The following PHAF1 variants were observed in gnomAD, a reference collection of about 807,000 sequenced individuals.
PHAF1 encodes the protein phagophore assembly factor 1.
PHAF1 carries 23 observed loss-of-function variants against 63.1 expected under a neutral mutation model. The observed-to-expected ratio is 0.36, with a 90% CI of 0.26 to 0.52. The LOEUF (loss-of-function observed/expected upper bound fraction) is 0.52, where lower values mean the gene tolerates loss of function less well. Among genes scored for constraint, PHAF1 ranks in the 20% least tolerant of loss-of-function variants. The pLI, the probability that PHAF1 is intolerant of heterozygous loss-of-function variation, is 0.93. For missense variants in PHAF1, 427 were observed against 517.2 expected, an observed-to-expected ratio of 0.83 and a Z score of 1.69; for synonymous variants, 167 against 185.0, an observed-to-expected ratio of 0.90 and a Z score of 0.79.
At chr16:67,136,601 G>C (rs1204193994) in intron 8 of PHAF1, among the ~76,000 whole-genome samples, 1 of 23,520 alleles carries the variant, frequency 4.3e-5, no homozygotes, top group Non-Finnish European at 7.9e-5. Flanking sequence ...TTCTTTCTTT[G>C]AGACATGGTC....
chr16:67,129,647 C>T (rs936735729), intron 3 of PHAF1, among the ~76,000 whole-genome samples: 4 of 152,222 alleles, frequency 2.6e-5, no homozygotes, highest in African/African-American at 9.7e-5. Context: ...GCTTGTGTCT[C>T]CACAATGAGA....
intron 1 of PHAF1, among the ~76,000 whole-genome samples, chr16:67,117,037 A>C (rs1358214830): frequency 6.6e-6 from 1 of 151,644 alleles, no homozygotes; most frequent in African/African-American, 2.4e-5. Flanking sequence ...CTCTGGAAAC[A>C]AACTTTTTTT....
At chr16:67,145,490 CTG>C in intron 13 of PHAF1, 71 bp downstream of exon 13, 1 of 1,612,140 alleles carries the variant, frequency 6.2e-7, no homozygotes, top group South Asian at 1.1e-5. Context: ...CAGTATGGGG[CTG>C]TGTCCTCTAG....
chr16:67,134,464 G>A lies in PHAF1; in HGVS notation c.658G>A (p.Ala220Thr). 1.2e-6 allele frequency: 2 copies of A among 1,607,416 alleles called. No homozygotes were observed. Among genetic ancestry groups the A allele is most frequent in the Non-Finnish European group, 1.7e-6 (2 of 1,174,018 alleles). ...PAGLRLRLLA[A>T]GCGPGLLADA... ...AGGTTTACGACTTCGCCTACTTGCT[G>A]CAGGTCAGTGACTGGCTTTGAGGTT... The change falls in exon 8 of 16, where the codon GCA (alanine) becomes ACA (threonine). Residue 220 changes from alanine (A) to threonine (T), a missense_variant. Physicochemically the swap from Ala to Thr is moderately conservative, Grantham distance 58. Transcript: ENST00000219139.
chr16:67,145,620 C>G lies in PHAF1; in HGVS notation c.1101C>G (p.Val367=). The change falls in exon 14 of 16, where the codon GTC becomes GTG. Residue 367 remains valine, a synonymous_variant. Transcript: ENST00000219139. ...LLGHPVEKPV[V]LHRSSSPNNT... Reference sequence around the variant, plus strand: ...GCCACCCTGTGGAGAAGCCTGTTGTCCTGCACAGGTGAGTGGGAGTTTGAT... The same window carrying G: ...GCCACCCTGTGGAGAAGCCTGTTGTGCTGCACAGGTGAGTGGGAGTTTGAT... 1.2e-6 allele frequency: 2 copies of G among 1,613,690 alleles called. No individual in the cohort carries two copies. Among genetic ancestry groups the G allele is most frequent in the Non-Finnish European group, 1.7e-6 (2 of 1,179,842 alleles).
At chr16:67,113,897 T>G (rs1176445911) in intron 1 of PHAF1, among the ~76,000 whole-genome samples, 2 of 151,970 alleles carry the variant, frequency 1.3e-5, no homozygotes, top group African/African-American at 4.8e-5. Flanking sequence ...GAGATGGGGT[T>G]TCACGATGTT....
intron 10 of PHAF1, among the ~76,000 whole-genome samples, chr16:67,141,543 G>A (rs1046978524): frequency 6.6e-6 from 1 of 152,214 alleles, no homozygotes; most frequent in Non-Finnish European, 1.5e-5. Context: ...TACCAGCCTG[G>A]ATCCCATGCC....
intron 3 of PHAF1, among the ~76,000 whole-genome samples, chr16:67,129,624 T>C (rs1257556289): frequency 3.3e-5 from 5 of 152,230 alleles, no homozygotes; most frequent in Admixed American, 2.0e-4. Flanking sequence ...CAAACAGATA[T>C]TGAGCCAGCT....
chr16:67,145,542 C>T (rs745931303), intron 13 of PHAF1, 28 bp from the exon 14 acceptor site: 3 of 1,613,872 alleles, frequency 1.9e-6, no homozygotes, highest in Non-Finnish European at 1.7e-6. Context: ...TCCCTACTAA[C>T]CCCTGCTCCC....
Position 67,125,514 on chromosome 16 carries a change from G to A in PHAF1, c.148-445G>A, listed in dbSNP as rs552983133. On this transcript the variant is annotated intron_variant, in intron 2 of 15. Coordinates refer to ENST00000219139, the MANE Select transcript of PHAF1 (RefSeq NM_025187.5). ...ACAGCCTGAGTGTGAATGGATGTAG[G>A]TTCAGCTGATAGGCATAAGCAATAT... Among the ~76,000 whole-genome samples, 6 of 152,262 alleles carry A rather than the reference G, an allele frequency of 3.9e-5. No individual in the cohort carries two copies. In the South Asian group the frequency reaches 1.2e-3, roughly 32 times the overall value.
chr16:67,133,018 T>C (rs746956981), intron 6 of PHAF1, 107 bp downstream of exon 6: 22 of 918,736 alleles, frequency 2.4e-5, no homozygotes, highest in Non-Finnish European at 3.6e-5. Flanking sequence ...TAGGCAGACT[T>C]TCTTTGGTTT....
chr16:67,134,156 C>G lies in PHAF1; in HGVS notation c.451-12C>G. ...TTGTGCCCTAAGTAAAACTCTTGAC[C>G]TTTGTTTGCAGCCCAATTTTGCCCA... On this transcript the variant is annotated splice_polypyrimidine_tract_variant and intron_variant, in intron 6 of 15. Coordinates refer to ENST00000219139, the MANE Select transcript of PHAF1 (RefSeq NM_025187.5). 1 of 1,610,410 alleles carries G rather than the reference C, an allele frequency of 6.2e-7. No homozygotes were observed. The highest frequency in any genetic ancestry group is 8.5e-7 in the Non-Finnish European group (1 of 1,177,016).
intron 13 of PHAF1, 34 bp downstream of exon 13, chr16:67,145,453 A>G: frequency 6.2e-7 from 1 of 1,614,016 alleles, no homozygotes; most frequent in Non-Finnish European, 8.5e-7. Flanking sequence ...GCATAGCCTG[A>G]GAATGAGGTG....
At position 67,140,018 on chromosome 16, in the gene PHAF1, G is replaced by A; in HGVS notation, c.696G>A (p.Met232Ile). The change falls in exon 9 of 16, where the codon ATG (methionine) becomes ATA (isoleucine). Residue 232 changes from methionine (M) to isoleucine (I), a missense_variant. Transcript: ENST00000219139. The stretch of plus-strand genomic sequence containing the variant: ...CTGGCCTATTAGCAGATGCCAAGAT[G>A]CGGGTATTTGAACGTTCAGTGTATT... ...CGPGLLADAK[M>I]RVFERSVYFG... 2 of 1,614,132 alleles carry A rather than the reference G, an allele frequency of 1.2e-6. No individual in the cohort carries two copies.
intron 8 of PHAF1, among the ~76,000 whole-genome samples, chr16:67,138,314 C>T (rs774683858): frequency 2.6e-5 from 4 of 152,120 alleles, no homozygotes; most frequent in Non-Finnish European, 5.9e-5. Context: ...TGTATACTTG[C>T]TGAGAATAGA....
chr16:67,122,931 G>C (rs926759409), intron 2 of PHAF1, among the ~76,000 whole-genome samples: 1 of 152,010 alleles, frequency 6.6e-6, no homozygotes, highest in Admixed American at 6.6e-5. Context: ...GTTTCACCAT[G>C]TTGGCCAGGC....
intron 2 of PHAF1, among the ~76,000 whole-genome samples, chr16:67,123,701 T>C (rs1963075298): frequency 6.6e-6 from 1 of 152,190 alleles, no homozygotes; most frequent in Non-Finnish European, 1.5e-5. Flanking sequence ...ACCCAGCCAA[T>C]GTGATGCTTC....
intron 1 of PHAF1, among the ~76,000 whole-genome samples, chr16:67,118,304 A>G (rs1346729099): frequency 7.3e-6 from 1 of 136,546 alleles, no homozygotes; most frequent in Non-Finnish European, 1.6e-5. Flanking sequence ...TTTAATAGGC[A>G]TGAGCCACCG....
At chr16:67,114,936 G>A (rs1962678563) in intron 1 of PHAF1, among the ~76,000 whole-genome samples, 1 of 152,228 alleles carries the variant, frequency 6.6e-6, no homozygotes, top group African/African-American at 2.4e-5. Context: ...CTTTTAATCT[G>A]TTGGCTTTTA....
Sources: allele counts gnomAD v4.1 joint callset (sites outside exome capture counted in the v4.1 genomes callset), GRCh38; gene constraint gnomAD v4.1.1; transcripts MANE v1.5; gene names NCBI Gene and HGNC (gene_info 2026-07-23, HGNC 2026-07-21).